MDGA1: variants seen among roughly 807,000 people sequenced by gnomAD.
MDGA1 encodes MAM domain containing glycosylphosphatidylinositol anchor 1, also known as MAM domain-containing glycosylphosphatidylinositol anchor protein 1.
A neutral mutation model predicts 101.5 loss-of-function variants in MDGA1; 54 were observed. The ratio of observed to expected loss-of-function variants is 0.53; its 90% CI spans 0.43 to 0.67. The LOEUF is 0.67. Ranked by LOEUF, MDGA1 falls within the 30% of genes least tolerant of loss-of-function variation. The probability of loss-of-function intolerance (pLI) is 0.00; values close to 1 mark genes in which losing one functional copy is unlikely to be tolerated. For missense variants in MDGA1, 1,083 were observed against 1,323.8 expected, an observed-to-expected ratio of 0.82 and a Z score of 2.82; for synonymous variants, 533 against 558.3, an observed-to-expected ratio of 0.95 and a Z score of 0.64.
chr6:37,646,158 A>C (rs756669814), intron 11 of MDGA1, 40 bp downstream of exon 11: 1 of 1,556,890 alleles, frequency 6.4e-7, no homozygotes, highest in East Asian at 2.3e-5. Flanking sequence ...CCTGGCCATG[A>C]GATGGGCCCA....
In MDGA1 at chr6:37,664,600, TACACACACAC is replaced by T. The variant is rs61046567; in HGVS notation, c.68-504_68-495del. 6.8e-5 allele frequency among the ~76,000 whole-genome samples: 8 copies of T among 118,204 alleles called. No individual in the cohort carries two copies. In the South Asian group the frequency reaches 1.2e-3, roughly 18 times the overall value. The allele number at this position is 118,204 out of a possible 152,430, so 77.5% of individuals were successfully genotyped here. A position where few individuals can be genotyped will look rare whatever the true frequency, so the allele number is the denominator to read the frequency against. ...CTAGATTACCCCCTCTCCCCCACAA[TACACACACAC>T]ACACACACACACACACACACACACA... On this transcript the variant is annotated intron_variant, in intron 1 of 16. Coordinates refer to ENST00000434837, the MANE Select transcript of MDGA1 (RefSeq NM_153487.4).
At chr6:37,676,984 C>T (rs1181292478) in intron 1 of MDGA1, among the ~76,000 whole-genome samples, 1 of 151,662 alleles carries the variant, frequency 6.6e-6, no homozygotes, top group African/African-American at 2.4e-5. Flanking sequence ...CTTGCCTAAG[C>T]CCCCACTTCC....
intron 1 of MDGA1, among the ~76,000 whole-genome samples, chr6:37,677,911 C>T (rs1431550001): frequency 6.6e-6 from 1 of 152,164 alleles, no homozygotes; most frequent in Non-Finnish European, 1.5e-5. Flanking sequence ...GCACCCCACC[C>T]AGCTGCAGGG....
In MDGA1 at chr6:37,658,391, G is replaced by A. The variant is rs755684207; in HGVS notation, c.236C>T (p.Ala79Val). 2 of 1,611,152 alleles carry A rather than the reference G, an allele frequency of 1.2e-6. No homozygotes were observed. Among genetic ancestry groups the A allele is most frequent in the East Asian group, 2.2e-5 (1 of 44,830 alleles). Reference sequence around the variant, plus strand: ...CGATGTCTCCTGGAACTTGTCCGAGGCGCTACCTGCCGTCTTGGTCCACCG... The same window carrying A: ...CGATGTCTCCTGGAACTTGTCCGAGACGCTACCTGCCGTCTTGGTCCACCG... Reference protein sequence around the residue: ...QVRWTKTAGSASDKFQETSVF... With the variant: ...QVRWTKTAGSVSDKFQETSVF... Residue 79 changes from alanine (A) to valine (V), a missense_variant, in exon 3 of 17, where the codon GCC becomes GTC. This residue lies in a region of MDGA1 where 310 missense variants were observed against 355.9 expected (regional missense o/e 0.87). Coordinates refer to ENST00000434837, the MANE Select transcript of MDGA1 (RefSeq NM_153487.4).
intron 14 of MDGA1, among the ~76,000 whole-genome samples, chr6:37,640,086 C>T (rs186606373): frequency 1.3e-5 from 2 of 152,234 alleles, no homozygotes; most frequent in Admixed American, 6.5e-5. Flanking sequence ...GGGAGCTGTA[C>T]GTTAAGGACT....
At chr6:37,659,967 G>A (rs970782422) in intron 2 of MDGA1, among the ~76,000 whole-genome samples, 1 of 151,502 alleles carries the variant, frequency 6.6e-6, no homozygotes. Flanking sequence ...TCAAGCCTTG[G>A]TATGCTTTAT....
At chr6:37,670,551 T>G (rs79824207) in intron 1 of MDGA1, among the ~76,000 whole-genome samples, 3 of 148,578 alleles carry the variant, frequency 2.0e-5, no homozygotes, top group East Asian at 2.0e-4. Context: ...GAGGAATAAA[T>G]AAAGAAACTC....
rs1318064416 is a variant in MDGA1, at chr6:37,636,630, C to T, written c.*738G>A. Reference sequence around the variant, plus strand: ...AGTGGGGAAGTTATCAGTCTTCAGACTGCCCAGGCCCAAGACCCTGTGCTG... The same window carrying T: ...AGTGGGGAAGTTATCAGTCTTCAGATTGCCCAGGCCCAAGACCCTGTGCTG... On this transcript the variant is annotated 3_prime_UTR_variant, in exon 17 of 17. Coordinates refer to ENST00000434837, the MANE Select transcript of MDGA1 (RefSeq NM_153487.4). The T allele has an allele frequency of 6.6e-6, 1 of 152,646 alleles. No homozygotes were observed. The highest frequency in any genetic ancestry group is 1.5e-5 in the Non-Finnish European group (1 of 68,082). The allele number at this position is 152,646 out of a possible 1,614,324, so 9.5% of individuals were successfully genotyped here.
At chr6:37,645,863 T>C in intron 12 of MDGA1, 70 bp downstream of exon 12, 2 of 1,563,420 alleles carry the variant, frequency 1.3e-6, no homozygotes, top group South Asian at 1.1e-5. Flanking sequence ...GCCTATCTCC[T>C]TTCTCTCACC....
At chr6:37,647,390 G>A (rs1761233082) in intron 9 of MDGA1, 66 bp from the exon 10 acceptor site, 2 of 1,002,004 alleles carry the variant, frequency 2.0e-6, no homozygotes, top group East Asian at 5.5e-5. Flanking sequence ...GAGAGGAGGT[G>A]TGGGAAAGGG....
intron 1 of MDGA1, among the ~76,000 whole-genome samples, chr6:37,683,549 T>G (rs549092635): frequency 2.5e-4 from 38 of 152,350 alleles, no homozygotes; most frequent in African/African-American, 8.7e-4. Flanking sequence ...CTCTGGCCAC[T>G]AGAGCTTGCG....
At chr6:37,660,526 C>A (rs1761599043) in intron 2 of MDGA1, among the ~76,000 whole-genome samples, 2 of 152,134 alleles carry the variant, frequency 1.3e-5, no homozygotes, top group African/African-American at 4.8e-5. Context: ...CTTTAGCTAT[C>A]TCTAGGGTAC....
intron 1 of MDGA1, among the ~76,000 whole-genome samples, chr6:37,680,176 T>C (rs1762064306): frequency 6.6e-6 from 1 of 152,152 alleles, no homozygotes; most frequent in Admixed American, 6.5e-5. Context: ...AAGGTGGGGA[T>C]GGAAGGTGAG....
Position 37,658,304 on chromosome 6 carries a change from C to G in MDGA1, c.323G>C (p.Cys108Ser). 6.2e-7 allele frequency: 1 copy of G among 1,612,222 alleles called. No individual in the cohort carries two copies. Among genetic ancestry groups the G allele is most frequent in the South Asian group, 1.1e-5 (1 of 90,828 alleles). ...CACCCCCACGCCGTTCTCAGCCTTG[C>G]AGTAGTAGCGGCCGCCCTGCGTGCG... is the stretch of plus-strand genomic sequence containing the variant. ...IARTQGGRYYCKAENGVGVPA... is the reference protein window; with the variant it reads ...IARTQGGRYYSKAENGVGVPA... Residue 108 changes from cysteine to serine, a missense_variant, in exon 3 of 17, where the codon TGC becomes TCC. Physicochemically the swap from Cys to Ser is moderately radical, Grantham distance 112. Transcript: ENST00000434837.
intron 5 of MDGA1, 48 bp from the exon 6 acceptor site, chr6:37,654,591 G>T (rs1251102020): frequency 7.4e-6 from 12 of 1,612,726 alleles, no homozygotes; most frequent in African/African-American, 1.3e-5. Context: ...GGCAGGGCTG[G>T]ATGTTGGGGA....
At chr6:37,660,645 ATTCC>A (rs1174152113) in intron 2 of MDGA1, among the ~76,000 whole-genome samples, 2 of 152,086 alleles carry the variant, frequency 1.3e-5, no homozygotes, top group African/African-American at 4.8e-5. Context: ...TATGGATTCT[ATTCC>A]TTCCATTATC....
Position 37,654,549 on chromosome 6 carries a change from A to C in MDGA1, c.713-6T>G. ...CAGCTTCAGGGCTGGTGGTGCTAAG[A>C]GGACAAGGAGGGGGGTCTTAGGGGA... On this transcript the variant is annotated splice_polypyrimidine_tract_variant and splice_region_variant and intron_variant, in intron 5 of 16. Coordinates refer to ENST00000434837, the MANE Select transcript of MDGA1 (RefSeq NM_153487.4). The C allele has an allele frequency of 3.7e-6, 6 of 1,613,922 alleles. No homozygotes were observed. Among genetic ancestry groups the C allele is most frequent in the Non-Finnish European group, 4.2e-6 (5 of 1,179,858 alleles).
At chr6:37,642,147 G>GTATATATATATATA (rs35308269) in intron 14 of MDGA1, among the ~76,000 whole-genome samples, 19 of 135,386 alleles carry the variant, frequency 1.4e-4, no homozygotes, top group Middle Eastern at 3.8e-3. Context: ...TTATATATAT[G>GTATATATATATATA]TATATATATA....
At chr6:37,664,153 GC>G (rs1257175210) in intron 1 of MDGA1, 47 bp from the exon 2 acceptor site, 1 of 1,610,828 alleles carries the variant, frequency 6.2e-7, no homozygotes, top group Non-Finnish European at 8.5e-7. Context: ...AGGTGCCAAG[GC>G]CAGAAGAAGT....
Sources: allele counts gnomAD v4.1 joint callset (sites outside exome capture counted in the v4.1 genomes callset), GRCh38; gene constraint gnomAD v4.1.1; regional missense constraint gnomAD v4.1.1; transcripts MANE v1.5; gene names NCBI Gene and HGNC (gene_info 2026-07-23, HGNC 2026-07-21).